The following GPHN variants were observed in gnomAD, a reference collection of about 807,000 sequenced individuals.
The protein encoded by GPHN is gephyrin.
A neutral mutation model predicts 95.5 loss-of-function variants in GPHN; 17 were observed. That is an observed-to-expected ratio of 0.18 (90% CI 0.12 to 0.27). The LOEUF is 0.27. Ranked by LOEUF, GPHN falls within the 10% of genes least tolerant of loss-of-function variation. The probability of loss-of-function intolerance (pLI) is 1.00; values close to 1 mark genes in which losing one functional copy is unlikely to be tolerated. For missense variants in GPHN, 660 were observed against 978.1 expected (o/e 0.67, Z 4.34); for synonymous variants, 320 against 322.5 (o/e 0.99, Z 0.08).
At chr14:66,729,433 C>A (rs1305440217) in intron 2 of GPHN, among the ~76,000 whole-genome samples, 1 of 151,990 alleles carries the variant, frequency 6.6e-6, no homozygotes, top group Non-Finnish European at 1.5e-5. Flanking sequence ...CAGTTTCACC[C>A]TAAAAAGCAA....
chr14:67,215,509 T>TAAA, the GPHN span, among the ~76,000 whole-genome samples: 238 of 126,166 alleles, frequency 1.9e-3, no homozygotes, highest in African/African-American at 9.4e-3. Context: ...GTACAAAGAT[T>TAAA]AAAAAACAAC....
At chr14:67,693,844 T>A in the GPHN span, among the ~76,000 whole-genome samples, 2 of 152,048 alleles carry the variant, frequency 1.3e-5, no homozygotes, top group Non-Finnish European at 2.9e-5. Context: ...AGAGACAGGG[T>A]TTCACCACGC....
the GPHN span, chr14:67,585,747 AC>A: frequency 9.2e-7 from 1 of 1,089,322 alleles, no homozygotes. Context: ...GAACCAAGTG[AC>A]CATGGCTGCC....
At chr14:66,853,576 T>G (rs906833311) in intron 4 of GPHN, among the ~76,000 whole-genome samples, 12 of 152,116 alleles carry the variant, frequency 7.9e-5, no homozygotes, top group African/African-American at 2.7e-4. Context: ...GAACTCCCAT[T>G]TATAAAACCA....
the GPHN span, among the ~76,000 whole-genome samples, chr14:67,502,950 CA>C: frequency 6.6e-6 from 1 of 152,090 alleles, no homozygotes; most frequent in Non-Finnish European, 1.5e-5. Flanking sequence ...ATATGGTAAG[CA>C]AAACAACCAT....
chr14:67,251,526 G>A, the GPHN span, among the ~76,000 whole-genome samples: 1 of 152,068 alleles, frequency 6.6e-6, no homozygotes, highest in African/African-American at 2.4e-5. Context: ...GCAACAGAAC[G>A]AGAACCTGTC....
At chr14:67,608,815 C>T in the GPHN span, among the ~76,000 whole-genome samples, 1 of 152,196 alleles carries the variant, frequency 6.6e-6, no homozygotes, top group Non-Finnish European at 1.5e-5. Context: ...GGCAAGGCAG[C>T]TCTCTGGGCA....
chr14:67,341,874 T>C, the GPHN span, among the ~76,000 whole-genome samples: 1 of 152,206 alleles, frequency 6.6e-6, no homozygotes, highest in African/African-American at 2.4e-5. Context: ...CCTGTTGATC[T>C]ATGACCTTAC....
the GPHN span, among the ~76,000 whole-genome samples, chr14:67,442,772 C>T: frequency 6.6e-6 from 1 of 152,234 alleles, no homozygotes; most frequent in Admixed American, 6.5e-5. Context: ...GAAGACACAG[C>T]TTAATTCTGC....
the GPHN span, among the ~76,000 whole-genome samples, chr14:67,225,789 G>A: frequency 6.6e-6 from 1 of 152,140 alleles, no homozygotes; most frequent in African/African-American, 2.4e-5. Flanking sequence ...CGAAACACCA[G>A]CTCTGCAGTG....
At chr14:66,835,043 A>C (rs1431675970) in intron 4 of GPHN, among the ~76,000 whole-genome samples, 1 of 150,360 alleles carries the variant, frequency 6.7e-6, no homozygotes, top group Admixed American at 6.6e-5. Flanking sequence ...TTATTTGCGT[A>C]GAGGTGTTTG....
chr14:67,103,948 A>G (rs1444707208), intron 13 of GPHN, among the ~76,000 whole-genome samples: 1 of 152,170 alleles, frequency 6.6e-6, no homozygotes, highest in Admixed American at 6.5e-5. Context: ...GTCTTGGTCC[A>G]GATCTCAGAG....
intron 6 of GPHN, among the ~76,000 whole-genome samples, chr14:66,919,928 G>A (rs762890664): frequency 2.6e-5 from 4 of 152,136 alleles, no homozygotes; most frequent in African/African-American, 4.8e-5. Context: ...CTAGCCAGGC[G>A]TGGTGGCAGG....
At chr14:67,012,162 G>T (rs1008386571) in intron 9 of GPHN, among the ~76,000 whole-genome samples, 1 of 152,078 alleles carries the variant, frequency 6.6e-6, no homozygotes, top group African/African-American at 2.4e-5. Context: ...CTGGTTTGAT[G>T]GTTATTCCAT....
At chr14:66,881,114 C>A (rs945412914) in intron 5 of GPHN, among the ~76,000 whole-genome samples, 2 of 151,870 alleles carry the variant, frequency 1.3e-5, no homozygotes, top group African/African-American at 4.8e-5. Flanking sequence ...GTTTATATCC[C>A]ATCAGTGGCA....
chr14:66,580,470 G>A (rs1408836929), intron 1 of GPHN, among the ~76,000 whole-genome samples: 2 of 130,198 alleles, frequency 1.5e-5, no homozygotes, highest in East Asian at 4.9e-4. Flanking sequence ...TGAAAAAATA[G>A]TGAAGAGTTA....
intron 10 of GPHN, among the ~76,000 whole-genome samples, chr14:67,025,437 C>A (rs1278688536): frequency 6.6e-6 from 1 of 152,122 alleles, no homozygotes; most frequent in Non-Finnish European, 1.5e-5. Context: ...CCTATGAGAA[C>A]CTTCCTTGTT....
At chr14:66,806,870 A>G (rs900480878) in intron 3 of GPHN, among the ~76,000 whole-genome samples, 2 of 152,042 alleles carry the variant, frequency 1.3e-5, no homozygotes, top group African/African-American at 4.8e-5. Flanking sequence ...AGCCCTCCAA[A>G]TTGTTCCAAC....
At chr14:67,473,219 C>T in the GPHN span, 1 of 671,928 alleles carries the variant, frequency 1.5e-6, no homozygotes, top group Non-Finnish European at 2.5e-6. The surrounding 1 kb of genome is among the most constrained non-coding windows in gnomAD (Gnocchi z 6.5). Flanking sequence ...CCCTCTGCTG[C>T]CTCCACACCC....
Sources: allele counts gnomAD v4.1 joint callset (sites outside exome capture counted in the v4.1 genomes callset), GRCh38; gene constraint gnomAD v4.1.1; non-coding constraint Gnocchi (gnomAD v3.1); transcripts MANE v1.5; gene names NCBI Gene and HGNC (gene_info 2026-07-23, HGNC 2026-07-21).